The following SDK1 variants were observed in gnomAD, a reference collection of about 807,000 sequenced individuals.
SDK1 encodes the protein sidekick cell adhesion molecule 1, also known as protein sidekick-1.
Under a neutral mutation model 245.5 loss-of-function variants are expected in SDK1, and 157 were observed. The ratio of observed to expected loss-of-function variants is 0.64; its 90% CI spans 0.56 to 0.73. The LOEUF is 0.73. SDK1 is among the 30% of genes least tolerant of loss of function. The pLI, the probability that SDK1 is intolerant of heterozygous loss-of-function variation, is 0.00. For synonymous variants in SDK1, 1,647 were observed against 1,278.5 expected (o/e 1.29, Z -6.15); for missense variants, 3,583 against 3,002.3 (o/e 1.19, Z -4.52).
At chr7:3,767,335 G>C (rs1780282804) in intron 4 of SDK1, among the ~76,000 whole-genome samples, 2 of 152,128 alleles carry the variant, frequency 1.3e-5, no homozygotes, top group African/African-American at 4.8e-5. Context: ...TAAGGGGATT[G>C]AGCAAAGCAG....
At chr7:3,625,942 CTTT>C (rs3086084) in intron 2 of SDK1, among the ~76,000 whole-genome samples, 11 of 129,772 alleles carry the variant, frequency 8.5e-5, no homozygotes, top group Admixed American at 1.6e-4. Context: ...TCTTTTCTTT[CTTT>C]TTTTTTTTTT....
At chr7:4,138,003 A>AT in intron 28 of SDK1, among the ~76,000 whole-genome samples, 1 of 152,332 alleles carries the variant, frequency 6.6e-6, no homozygotes, top group Admixed American at 6.5e-5. Flanking sequence ...ATAGGCATTC[A>AT]TCTTTATGTT....
chr7:3,404,184 C>T (rs778847574), intron 1 of SDK1, among the ~76,000 whole-genome samples: 6 of 151,780 alleles, frequency 4.0e-5, no homozygotes, highest in Non-Finnish European at 7.4e-5. Flanking sequence ...CCACAAACCT[C>T]CAAAATTTGT....
At chr7:3,415,493 T>C (rs1583824171) in intron 1 of SDK1, among the ~76,000 whole-genome samples, 1 of 152,042 alleles carries the variant, frequency 6.6e-6, no homozygotes, top group Non-Finnish European at 1.5e-5. Context: ...TAAAAAACAA[T>C]GATGAGTGAA....
intron 1 of SDK1, among the ~76,000 whole-genome samples, chr7:3,546,396 A>G (rs568067748): frequency 6.6e-6 from 1 of 152,320 alleles, no homozygotes; most frequent in South Asian, 2.1e-4. Context: ...GACCTAACAG[A>G]TGATCAGATG....
At position 3,971,248 on chromosome 7, in the gene SDK1, G is replaced by A. The variant is rs2128132904; in HGVS notation, c.1715-218G>A. Reference sequence around the variant, plus strand: ...GTGTTTGAGGTTAAAGCTGATTTAGGAGGGGTGGGTGGGTTGACAGACTGC... The same window carrying A: ...GTGTTTGAGGTTAAAGCTGATTTAGAAGGGGTGGGTGGGTTGACAGACTGC... On this transcript the variant is annotated intron_variant, in intron 11 of 44. Transcript: ENST00000404826. Among the ~76,000 whole-genome samples, 3 of 152,220 alleles carry A rather than the reference G, an allele frequency of 2.0e-5. No individual in the cohort carries two copies. The South Asian group carries it at 6.2e-4, about 32-fold the overall frequency.
intron 4 of SDK1, among the ~76,000 whole-genome samples, chr7:3,745,656 TCGAG>T (rs1335347463): frequency 6.6e-6 from 1 of 152,102 alleles, no homozygotes; most frequent in Non-Finnish European, 1.5e-5. Flanking sequence ...AGGAACTCCC[TCGAG>T]CGACCCCTAT....
At chr7:3,631,151 C>T (rs574204350) in intron 2 of SDK1, among the ~76,000 whole-genome samples, 7 of 152,260 alleles carry the variant, frequency 4.6e-5, no homozygotes, top group African/African-American at 1.7e-4. Context: ...CCAGGCTGGT[C>T]TCGAACTTCT....
chr7:3,435,802 C>T (rs17133354), intron 1 of SDK1, among the ~76,000 whole-genome samples: 23,998 of 152,110 alleles, frequency 0.16, 3,151 homozygotes, highest in African/African-American at 0.36. Flanking sequence ...TCAGTCTCTA[C>T]GTCCCTCATG....
chr7:4,194,361 C>CGTATGTGTATACAT (rs778647240), intron 35 of SDK1, among the ~76,000 whole-genome samples: 2 of 93,140 alleles, frequency 2.1e-5, no homozygotes, highest in African/African-American at 5.5e-5. Context: ...TATGTATGCA[C>CGTATGTGTATACAT]GTATGTGTAT....
At chr7:4,200,225 C>T (rs1314527589) in intron 35 of SDK1, among the ~76,000 whole-genome samples, 2 of 152,190 alleles carry the variant, frequency 1.3e-5, no homozygotes, top group African/African-American at 4.8e-5. Flanking sequence ...ACCTGTACAC[C>T]CACACCATGA....
At chr7:3,304,346 A>G (rs1472518392) in intron 1 of SDK1, among the ~76,000 whole-genome samples, 1 of 152,224 alleles carries the variant, frequency 6.6e-6, no homozygotes. Flanking sequence ...CCAAGGAGCC[A>G]GCTGTGAGTG....
intron 1 of SDK1, among the ~76,000 whole-genome samples, chr7:3,493,127 A>G (rs533075239): frequency 3.2e-4 from 48 of 151,658 alleles, no homozygotes; most frequent in Non-Finnish European, 6.2e-4. Context: ...ATTTTTTTGT[A>G]TTTTTACTAG....
In SDK1 at chr7:3,990,979, G is replaced by A. The variant is rs1219012968; in HGVS notation, c.2131+3657G>A. 2.0e-5 allele frequency among the ~76,000 whole-genome samples: 3 copies of A among 152,210 alleles called. No homozygotes were observed. The South Asian group carries it at 6.2e-4, about 32-fold the overall frequency. ...CTGTTACAGCGGTGAAGCCAGCTGG[G>A]CATCTGCTCTGCACTCTGCTGGGTG... On this transcript the variant is annotated intron_variant, in intron 14 of 44. Coordinates refer to ENST00000404826, the MANE Select transcript of SDK1 (RefSeq NM_152744.4).
At chr7:3,601,092 G>A (rs1227190491) in intron 1 of SDK1, among the ~76,000 whole-genome samples, 2 of 151,852 alleles carry the variant, frequency 1.3e-5, no homozygotes, top group African/African-American at 4.8e-5. Flanking sequence ...TTGCATATAC[G>A]TTATTTTAAT....
At chr7:3,675,404 T>C (rs1482368788) in intron 4 of SDK1, among the ~76,000 whole-genome samples, 1 of 152,236 alleles carries the variant, frequency 6.6e-6, no homozygotes, top group Non-Finnish European at 1.5e-5. Flanking sequence ...ACTTAGCTAA[T>C]CTTTTTTTAG....
chr7:3,561,378 A>G (rs1207997076), intron 1 of SDK1, among the ~76,000 whole-genome samples: 1 of 152,192 alleles, frequency 6.6e-6, no homozygotes, highest in Non-Finnish European at 1.5e-5. Context: ...AAGAAAAGAA[A>G]GACACTGTCT....
At chr7:3,475,057 C>T (rs1341932638) in intron 1 of SDK1, among the ~76,000 whole-genome samples, 1 of 152,204 alleles carries the variant, frequency 6.6e-6, no homozygotes, top group Non-Finnish European at 1.5e-5. Context: ...CCATTTTCCA[C>T]ATGGCAACCA....
chr7:3,998,586 A>G (rs1184197147), intron 14 of SDK1, among the ~76,000 whole-genome samples: 1 of 152,160 alleles, frequency 6.6e-6, no homozygotes, highest in Admixed American at 6.5e-5. Flanking sequence ...TGCCCCCTGG[A>G]CAGGTTTCAG....
Sources: gnomAD v4.1 joint callset for allele counts (sites outside exome capture counted in the v4.1 genomes callset) on GRCh38, gnomAD v4.1.1 for gene constraint, MANE v1.5 for transcripts, NCBI Gene and HGNC (gene_info 2026-07-23, HGNC 2026-07-21) for gene names.